The following SEMA5A variants were observed in gnomAD, a reference collection of about 807,000 sequenced individuals.
SEMA5A encodes the protein semaphorin-5A.
A neutral mutation model predicts 135.5 loss-of-function variants in SEMA5A; 55 were observed. The observed-to-expected ratio is 0.41, with a 90% CI of 0.33 to 0.51. The LOEUF (loss-of-function observed/expected upper bound fraction) is 0.51. SEMA5A is among the 20% of genes least tolerant of loss of function. SEMA5A has a pLI of 0.37. For synonymous variants in SEMA5A, 580 were observed against 546.5 expected, an observed-to-expected ratio of 1.06 and a Z score of -0.85; for missense variants, 1,290 against 1,419.9, an observed-to-expected ratio of 0.91 and a Z score of 1.47.
chr5:9,308,339 C>T (rs1270448199), intron 5 of SEMA5A, among the ~76,000 whole-genome samples: 1 of 152,024 alleles, frequency 6.6e-6, no homozygotes, highest in East Asian at 1.9e-4. Context: ...ATGTGGCAGC[C>T]GAAGAACAAG....
chr5:9,294,213 G>A (rs77902395), intron 5 of SEMA5A, among the ~76,000 whole-genome samples: 8 of 151,938 alleles, frequency 5.3e-5, no homozygotes, highest in East Asian at 1.9e-4. Context: ...CTCTCAGCTC[G>A]GCTGCAGCCA....
rs746691219 is a variant in SEMA5A, at chr5:9,116,577, G to C, written c.1925+2421C>G. 1.6e-3 allele frequency among the ~76,000 whole-genome samples: 251 copies of C among 152,316 alleles called. 2 individuals are homozygous for C. Among genetic ancestry groups the C allele is most frequent in the Non-Finnish European group, 1.8e-3 (123 of 68,040 alleles). ...CCATTGAATAATTCCACACACTGGAGATGTCCCAGATGAAAAATCACTAAC... is the reference window on the plus strand; with the variant it reads ...CCATTGAATAATTCCACACACTGGACATGTCCCAGATGAAAAATCACTAAC... On this transcript the variant is annotated intron_variant, in intron 15 of 22. Coordinates refer to ENST00000382496, the MANE Select transcript of SEMA5A (RefSeq NM_003966.3).
chr5:9,472,106 A>T (rs1759497595), intron 1 of SEMA5A, among the ~76,000 whole-genome samples: 1 of 152,174 alleles, frequency 6.6e-6, no homozygotes, highest in Non-Finnish European at 1.5e-5. Context: ...TTAACTCTTC[A>T]TTTAACATTA....
At chr5:9,098,599 T>G (rs1739456074) in intron 16 of SEMA5A, among the ~76,000 whole-genome samples, 1 of 152,238 alleles carries the variant, frequency 6.6e-6, no homozygotes, top group Admixed American at 6.5e-5. Context: ...TTTTTAACAG[T>G]TAAAAAATCT....
chr5:9,181,186 C>T (rs1744489592), intron 11 of SEMA5A, among the ~76,000 whole-genome samples: 1 of 152,230 alleles, frequency 6.6e-6, no homozygotes, highest in Admixed American at 6.5e-5. Context: ...CACCTCAGAA[C>T]CTCCCCAACT....
intron 16 of SEMA5A, among the ~76,000 whole-genome samples, chr5:9,099,977 C>A (rs1448497489): frequency 1.3e-5 from 2 of 152,186 alleles, no homozygotes; most frequent in African/African-American, 4.8e-5. Flanking sequence ...GAAGAGAGAA[C>A]CTTTCCAGAA....
intron 1 of SEMA5A, among the ~76,000 whole-genome samples, chr5:9,535,600 C>A (rs1737717986): frequency 6.6e-6 from 1 of 151,674 alleles, no homozygotes; most frequent in South Asian, 2.1e-4. Context: ...AGGAGTGGAT[C>A]GGCAGAGTGG....
At chr5:9,281,953 C>T (rs1208582252) in intron 5 of SEMA5A, among the ~76,000 whole-genome samples, 2 of 151,546 alleles carry the variant, frequency 1.3e-5, no homozygotes, top group African/African-American at 2.4e-5. Context: ...GCTGGGATTA[C>T]AGGCACTTGC....
intron 2 of SEMA5A, among the ~76,000 whole-genome samples, chr5:9,389,231 A>T (rs1054294836): frequency 4.6e-5 from 7 of 152,082 alleles, no homozygotes; most frequent in Non-Finnish European, 8.8e-5. Context: ...CTCGAATGAA[A>T]GTACACTCCA....
intron 1 of SEMA5A, among the ~76,000 whole-genome samples, chr5:9,476,527 T>C (rs956758097): frequency 6.6e-6 from 1 of 152,156 alleles, no homozygotes; most frequent in Admixed American, 6.5e-5. Context: ...AGGAGGGTTA[T>C]GGCAAGAGCA....
intron 1 of SEMA5A, among the ~76,000 whole-genome samples, chr5:9,543,972 C>A (rs753449086): frequency 7.9e-5 from 12 of 152,068 alleles, no homozygotes; most frequent in Admixed American, 1.3e-4. Flanking sequence ...TCTGCTTGAA[C>A]TGAAGTTGTG....
chr5:9,464,471 T>G (rs1300864140), intron 1 of SEMA5A, among the ~76,000 whole-genome samples: 1 of 152,248 alleles, frequency 6.6e-6, no homozygotes, highest in Admixed American at 6.5e-5. Context: ...TCCTACTGTT[T>G]GAACAGTTTA....
At position 9,532,531 on chromosome 5, in the gene SEMA5A, A is replaced by G. The variant is rs558743858; in HGVS notation, c.-175+13053T>C. ...TCGAACTCCTGACCTCAGGTGGTCC[A>G]CCCACCTCGGCCTCCCAAAGTGCTG... On this transcript the variant is annotated intron_variant, in intron 1 of 22. Coordinates refer to ENST00000382496, the MANE Select transcript of SEMA5A (RefSeq NM_003966.3). Among the ~76,000 whole-genome samples, 11 of 147,246 alleles carry G rather than the reference A, an allele frequency of 7.5e-5. No individual in the cohort carries two copies. The East Asian group carries it at 1.8e-3, about 24-fold the overall frequency.
chr5:9,193,453 TTTTG>T (rs1745222836), intron 10 of SEMA5A, among the ~76,000 whole-genome samples: 1 of 152,234 alleles, frequency 6.6e-6, no homozygotes, highest in Non-Finnish European at 1.5e-5. Flanking sequence ...ATATTTGCAC[TTTTG>T]TTTATTTACT....
intron 3 of SEMA5A, among the ~76,000 whole-genome samples, chr5:9,344,840 A>T (rs949998838): frequency 6.6e-6 from 1 of 152,204 alleles, no homozygotes; most frequent in Non-Finnish European, 1.5e-5. Context: ...AGTTGAATCA[A>T]AGCAGGTTAC....
rs1331881288 is a variant in SEMA5A at position 9,315,893 on chromosome 5, CTT to C, written c.270+2477_270+2478del. On this transcript the variant is annotated intron_variant, in intron 5 of 22. Transcript: ENST00000382496. ...TTAATAAGTATCATATAGGTAAGTA[CTT>C]TAAGACTACCATGAATAAATATCCT... Among the ~76,000 whole-genome samples, 3 of 152,246 alleles carry C rather than the reference CTT, an allele frequency of 2.0e-5. No homozygotes were observed. In the East Asian group the frequency reaches 5.8e-4, roughly 29 times the overall value.
Position 9,337,771 on chromosome 5 carries a change from C to T in SEMA5A, c.166G>A (p.Val56Met). The T allele has an allele frequency of 6.2e-7, 1 of 1,611,726 alleles. No individual in the cohort carries two copies. The highest frequency in any genetic ancestry group is 8.5e-7 in the Non-Finnish European group (1 of 1,178,462). The change falls in exon 4 of 23, where the codon GTG becomes ATG. Residue 56 changes from valine to methionine, a missense_variant. Physicochemically the swap from Val to Met is conservative, Grantham distance 21 (BLOSUM62 1). Transcript: ENST00000382496. The part of the protein sequence containing the change: ...WLREFRAKNA[V>M]DFSQLTFDPG... ...TCAAATGTTAACTGCGAGAAATCCA[C>T]AGCATTCTTCGCTCTGAACTCCCGT...
intron 3 of SEMA5A, among the ~76,000 whole-genome samples, chr5:9,355,940 C>T (rs1754423221): frequency 6.6e-6 from 1 of 152,190 alleles, no homozygotes; most frequent in African/African-American, 2.4e-5. Context: ...AATTTCAGAG[C>T]GATGGCTATG....
intron 3 of SEMA5A, among the ~76,000 whole-genome samples, chr5:9,355,669 G>A (rs1189223701): frequency 6.6e-6 from 1 of 152,114 alleles, no homozygotes; most frequent in Non-Finnish European, 1.5e-5. Context: ...GAGCTCAGAG[G>A]GGCTGGGCAG....
Sources: allele counts gnomAD v4.1 joint callset (sites outside exome capture counted in the v4.1 genomes callset), GRCh38; gene constraint gnomAD v4.1.1; transcripts MANE v1.5; gene names NCBI Gene and HGNC (gene_info 2026-07-23, HGNC 2026-07-21).